Variants in NLRP7 observed in about 807,000 individuals in gnomAD.
NLRP7 encodes the protein NACHT, LRR and PYD domains-containing protein 7.
NLRP7 carries 72 observed loss-of-function variants against 85.5 expected under a neutral mutation model. The observed-to-expected ratio is 0.84, with a 90% confidence interval of 0.70 to 1.02. The LOEUF is 1.02. Among genes scored for constraint, NLRP7 ranks in the 50% least tolerant of loss-of-function variants. The pLI is 0.00. For missense variants in NLRP7, 1,243 were observed against 1,219.5 expected, an observed-to-expected ratio of 1.02 and a Z score of -0.29; for synonymous variants, 550 against 505.2, an observed-to-expected ratio of 1.09 and a Z score of -1.19.
At chr19:54,929,788 T>C (rs1451899064) in intron 9 of NLRP7, among the ~76,000 whole-genome samples, 1 of 152,132 alleles carries the variant, frequency 6.6e-6, no homozygotes, top group African/African-American at 2.4e-5. Flanking sequence ...ATCTTAAAAC[T>C]GGATCCGAAG....
chr19:54,940,180 C>T (rs2146222300), exon 4 of NLRP7: 1 of 1,614,190 alleles, frequency 6.2e-7, no homozygotes, highest in Non-Finnish European at 8.5e-7. Context: ...GGCTGAGCTC[C>T]TTGCAGCTGA....
chr19:54,962,941 G>A (rs1363485664), intron 1 of NLRP7, among the ~76,000 whole-genome samples: 1 of 152,092 alleles, frequency 6.6e-6, no homozygotes, highest in East Asian at 1.9e-4. Context: ...ACTGAGCGCG[G>A]CAGTGAAGAG....
In NLRP7 at chr19:54,938,940, C is replaced by G. The variant is rs201120887; in HGVS notation, c.1879G>C (p.Gly627Arg). 3.5e-5 allele frequency: 56 copies of G among 1,614,108 alleles called. No individual in the cohort carries two copies. The East Asian group carries it at 4.9e-4, about 14-fold the overall frequency. ...TCCATGTAATTCTCCAGGAACACCC[C>G]CTTTGCTACCTGCAGTGAGAGTTTC... is the stretch of plus-strand genomic sequence containing the variant. Residue 627 changes from glycine (G) to arginine (R), a missense_variant, in exon 4 of 10, where the codon GGG becomes CGG. Gly to Arg is a moderately radical substitution (Grantham distance 125). Transcript: ENST00000340844.
intron 8 of NLRP7, among the ~76,000 whole-genome samples, chr19:54,931,686 A>C (rs2068685049): frequency 1.5e-5 from 1 of 68,248 alleles, no homozygotes; most frequent in African/African-American, 6.7e-5. Flanking sequence ...ACTCCATCTC[A>C]AAAAAAAAAA....
intron 9 of NLRP7, among the ~76,000 whole-genome samples, chr19:54,924,919 A>G (rs1016987306): frequency 2.0e-5 from 3 of 152,222 alleles, no homozygotes; most frequent in African/African-American, 7.2e-5. Flanking sequence ...CCCGGGTGAC[A>G]GAGCGAGACT....
At chr19:54,958,417 G>A (rs896606663) in intron 1 of NLRP7, among the ~76,000 whole-genome samples, 2 of 149,948 alleles carry the variant, frequency 1.3e-5, no homozygotes, top group Admixed American at 6.6e-5. Flanking sequence ...CGAGGTGGGC[G>A]AATCACAAGG....
chr19:54,929,287 C>A (rs370620448), intron 9 of NLRP7, among the ~76,000 whole-genome samples: 16 of 152,154 alleles, frequency 1.1e-4, no homozygotes, highest in African/African-American at 3.6e-4. Context: ...ATCGCTTGAA[C>A]CTTGGAGGCT....
exon 10 of NLRP7, chr19:54,923,626 C>T (rs2068309830): frequency 1.6e-6 from 2 of 1,226,898 alleles, no homozygotes; most frequent in African/African-American, 3.0e-5. Flanking sequence ...GTGTCAAATC[C>T]TACCTCTCGA....
intron 8 of NLRP7, among the ~76,000 whole-genome samples, chr19:54,933,274 T>C (rs2068753462): frequency 6.6e-6 from 1 of 152,122 alleles, no homozygotes; most frequent in African/African-American, 2.4e-5. Context: ...TCCTCCCAAG[T>C]AGCTGGGACT....
At chr19:54,925,115 A>C (rs949853181) in intron 9 of NLRP7, among the ~76,000 whole-genome samples, 1 of 152,228 alleles carries the variant, frequency 6.6e-6, no homozygotes, top group Admixed American at 6.6e-5. Flanking sequence ...TATGTTGCCC[A>C]GGCTGGTCTC....
intron 9 of NLRP7, among the ~76,000 whole-genome samples, chr19:54,926,205 G>GGTGTGTGTGT (rs138774910): frequency 0.17 from 24,220 of 143,560 alleles, 2,517 homozygotes; most frequent in Non-Finnish European, 0.24. Flanking sequence ...AATGATTAGG[G>GGTGTGTGTGT]GTGTGTGTGT....
chr19:54,944,288 G>A (rs1395061452), intron 1 of NLRP7, among the ~76,000 whole-genome samples: 1 of 151,948 alleles, frequency 6.6e-6, no homozygotes, highest in African/African-American at 2.4e-5. Flanking sequence ...CCGAGATAGG[G>A]GAAAACCGCC....
intron 8 of NLRP7, among the ~76,000 whole-genome samples, chr19:54,931,844 T>TAAA (rs10647956): frequency 1.3e-4 from 14 of 108,342 alleles, no homozygotes; most frequent in African/African-American, 5.2e-4. Flanking sequence ...GAGAGACTGT[T>TAAA]AAAAAAAAAA....
intron 8 of NLRP7, among the ~76,000 whole-genome samples, chr19:54,932,614 C>G (rs2068723648): frequency 6.6e-6 from 1 of 152,102 alleles, no homozygotes; most frequent in African/African-American, 2.4e-5. Flanking sequence ...CAATTCCAAC[C>G]TGCCACCTAT....
chr19:54,932,101 A>T (rs561675253), intron 8 of NLRP7, among the ~76,000 whole-genome samples: 1 of 152,158 alleles, frequency 6.6e-6, no homozygotes, highest in Non-Finnish European at 1.5e-5. Context: ...TACACTTCGT[A>T]TAACGATCAG....
exon 4 of NLRP7, chr19:54,939,087 A>G: frequency 6.2e-7 from 1 of 1,614,168 alleles, no homozygotes; most frequent in Non-Finnish European, 8.5e-7. Flanking sequence ...TCCTCCTGAG[A>G]CTCATACAGG....
chr19:54,945,829 A>G (rs1277883006), intron 1 of NLRP7, among the ~76,000 whole-genome samples: 1 of 148,426 alleles, frequency 6.7e-6, no homozygotes, highest in Non-Finnish European at 1.5e-5. Flanking sequence ...TTGCTCTGTC[A>G]CCCAGGCTGG....
At chr19:54,929,416 A>G (rs2068579117) in intron 9 of NLRP7, among the ~76,000 whole-genome samples, 1 of 152,016 alleles carries the variant, frequency 6.6e-6, no homozygotes, top group Admixed American at 6.6e-5. Context: ...TTTACTCTAC[A>G]GCAAAGCTAA....
At position 54,934,400 on chromosome 19, in the gene NLRP7, C is replaced by T. The variant is rs146566373; in HGVS notation, c.2471+89G>A. ...GTGTTTATTTCAGCAAGAGGCGCCA[C>T]GTGGGTGGCGCAGTAAGTCAGGTGT... On this transcript the variant is annotated intron_variant, in intron 7 of 9. Coordinates refer to ENST00000340844, the Ensembl canonical transcript of NLRP7. This position sits in a 1 kb window ranked among gnomAD's most constrained non-coding sequence, Gnocchi z 6.7. 7.0e-4 allele frequency: 949 copies of T among 1,352,332 alleles called. 6 individuals are homozygous for T. In the East Asian group the frequency reaches 0.016, roughly 23 times the overall value. 83.8% of individuals were successfully genotyped at this position (1,352,332 alleles called of 1,614,324 possible). A position where few individuals can be genotyped will look rare whatever the true frequency, so the allele number is the denominator to read the frequency against.
Sources: gnomAD v4.1 joint callset for allele counts (sites outside exome capture counted in the v4.1 genomes callset) on GRCh38, gnomAD v4.1.1 for gene constraint, Gnocchi (gnomAD v3.1) non-coding constraint, MANE v1.5 for transcripts, NCBI Gene and HGNC (gene_info 2026-07-23, HGNC 2026-07-21) for gene names.